Variants in MBD5 observed in about 807,000 individuals in gnomAD.
The protein encoded by MBD5 is methyl-CpG-binding domain protein 5.
In MBD5, 13 loss-of-function variants were observed where a neutral mutation model predicts 117.3. The ratio of observed to expected loss-of-function variants is 0.11; its 90% confidence interval spans 0.07 to 0.18. The LOEUF (loss-of-function observed/expected upper bound fraction) is 0.18, where lower values mean the gene tolerates loss of function less well. MBD5 is among the 10% of genes least tolerant of loss of function. The pLI is 1.00. For synonymous variants in MBD5, 727 were observed against 766.4 expected, an observed-to-expected ratio of 0.95 and a Z score of 0.85; for missense variants, 1,879 against 2,093.8, an observed-to-expected ratio of 0.90 and a Z score of 2.00.
intron 4 of MBD5, among the ~76,000 whole-genome samples, chr2:148,383,849 A>C (rs1704245075): frequency 6.6e-6 from 1 of 152,210 alleles, no homozygotes; most frequent in Non-Finnish European, 1.5e-5. Flanking sequence ...AACAGAACCA[A>C]AGACAAAAAC....
At chr2:148,324,950 A>C (rs191578347) in intron 3 of MBD5, among the ~76,000 whole-genome samples, 1 of 152,176 alleles carries the variant, frequency 6.6e-6, no homozygotes, top group South Asian at 2.1e-4. Context: ...TTGCCCATTC[A>C]GTATGATATT....
rs1574251070 is a variant in MBD5, at chr2:148,294,561, C to T, written c.-679-47653C>T. On this transcript the variant is annotated intron_variant, in intron 3 of 13. Coordinates refer to ENST00000642680, the MANE Select transcript of MBD5 (RefSeq NM_001378120.1). Reference sequence around the variant, plus strand: ...TCCATCGCCCAGGCTGGAGTGCAGCCGTGCGATCTCAGCTCACTGCAACCT... The same window carrying T: ...TCCATCGCCCAGGCTGGAGTGCAGCTGTGCGATCTCAGCTCACTGCAACCT... Among the ~76,000 whole-genome samples the T allele has an allele frequency of 2.2e-5, 3 of 133,618 alleles. No homozygotes were observed. In the East Asian group the frequency reaches 6.6e-4, roughly 29 times the overall value. The allele number at this position is 133,618 out of a possible 152,430, so 87.7% of individuals were successfully genotyped here.
intron 4 of MBD5, among the ~76,000 whole-genome samples, chr2:148,439,559 T>C (rs973731560): frequency 6.6e-6 from 1 of 152,160 alleles, no homozygotes; most frequent in African/African-American, 2.4e-5. Flanking sequence ...CTGGACCATT[T>C]TAATTGCAGA....
intron 4 of MBD5, among the ~76,000 whole-genome samples, chr2:148,443,374 C>G (rs966736371): frequency 1.3e-5 from 2 of 151,252 alleles, no homozygotes; most frequent in Non-Finnish European, 2.9e-5. Context: ...ACCATATGAT[C>G]CAGCAATCTC....
At chr2:148,408,094 A>T (rs1404760028) in intron 4 of MBD5, among the ~76,000 whole-genome samples, 1 of 152,224 alleles carries the variant, frequency 6.6e-6, no homozygotes, top group Non-Finnish European at 1.5e-5. Context: ...TAAAAATTTT[A>T]AAACATCCCA....
chr2:148,109,156 A>G (rs1696446709), intron 1 of MBD5, among the ~76,000 whole-genome samples: 1 of 152,110 alleles, frequency 6.6e-6, no homozygotes, highest in Admixed American at 6.5e-5. Context: ...GTGGTGACTC[A>G]TGCCTATAAT....
At chr2:148,074,511 T>G (rs1429767667) in intron 1 of MBD5, among the ~76,000 whole-genome samples, 1 of 147,490 alleles carries the variant, frequency 6.8e-6, no homozygotes, top group Admixed American at 6.7e-5. Flanking sequence ...TTTTTTGTTT[T>G]TTTTTTTGAG....
At chr2:148,185,982 T>G (rs1298599128) in intron 2 of MBD5, among the ~76,000 whole-genome samples, 2 of 152,262 alleles carry the variant, frequency 1.3e-5, no homozygotes, top group East Asian at 1.9e-4. Flanking sequence ...TGTTATAAAG[T>G]ACTTCTCAAA....
intron 1 of MBD5, among the ~76,000 whole-genome samples, chr2:148,129,569 T>C (rs1352978120): frequency 6.6e-6 from 1 of 152,092 alleles, no homozygotes; most frequent in Non-Finnish European, 1.5e-5. Context: ...TCTGTGAAAA[T>C]ACAGCTGATA....
At chr2:148,357,380 G>A (rs1703408777) in intron 4 of MBD5, among the ~76,000 whole-genome samples, 1 of 152,016 alleles carries the variant, frequency 6.6e-6, no homozygotes, top group African/African-American at 2.4e-5. Flanking sequence ...AATTTGGAAG[G>A]TGATGCTCCA....
At chr2:148,139,302 G>A (rs773160686) in intron 1 of MBD5, among the ~76,000 whole-genome samples, 18 of 152,084 alleles carry the variant, frequency 1.2e-4, no homozygotes, top group South Asian at 4.1e-4. Context: ...CACCTTCCGG[G>A]TTCAGGTGAT....
At chr2:148,180,970 T>C (rs1698519557) in intron 2 of MBD5, among the ~76,000 whole-genome samples, 2 of 152,124 alleles carry the variant, frequency 1.3e-5, no homozygotes, top group African/African-American at 4.8e-5. Flanking sequence ...ATATGAGAAA[T>C]TTCAAATAAA....
chr2:148,313,879 C>T (rs994952173), intron 3 of MBD5, among the ~76,000 whole-genome samples: 2 of 152,044 alleles, frequency 1.3e-5, no homozygotes, highest in South Asian at 4.2e-4. Context: ...CAATCCTTCC[C>T]GTGGCTAAGG....
At chr2:148,422,937 G>C (rs968705720) in intron 4 of MBD5, among the ~76,000 whole-genome samples, 1 of 152,170 alleles carries the variant, frequency 6.6e-6, no homozygotes, top group African/African-American at 2.4e-5. Context: ...TATGTGCAAA[G>C]ACCAAATCTC....
chr2:148,053,141 G>A (rs541299439), intron 1 of MBD5, among the ~76,000 whole-genome samples: 1 of 151,918 alleles, frequency 6.6e-6, no homozygotes, highest in Non-Finnish European at 1.5e-5. Context: ...TGTTATTGTT[G>A]AACTGTCTAT....
intron 3 of MBD5, among the ~76,000 whole-genome samples, chr2:148,325,386 A>T (rs1183584317): frequency 1.3e-5 from 2 of 152,066 alleles, no homozygotes; most frequent in Admixed American, 6.6e-5. Context: ...TTTTCTATTG[A>T]TTGGAATAGT....
chr2:148,064,121 C>CTTT (rs200434229), intron 1 of MBD5, among the ~76,000 whole-genome samples: 8,370 of 125,624 alleles, frequency 0.067, 647 homozygotes, highest in South Asian at 0.11. Context: ...CACCAGCTGT[C>CTTT]TTTTTTCTTT....
At chr2:148,457,051 G>A (rs77997464) in intron 4 of MBD5, among the ~76,000 whole-genome samples, 3,886 of 152,160 alleles carry the variant, frequency 0.026, 159 homozygotes, top group African/African-American at 0.088. Flanking sequence ...AGTTATGCAT[G>A]CATCTTTGAA....
intron 3 of MBD5, among the ~76,000 whole-genome samples, chr2:148,277,145 A>G (rs1701134858): frequency 6.6e-6 from 1 of 152,124 alleles, no homozygotes; most frequent in East Asian, 1.9e-4. Context: ...GGTTCAATGA[A>G]TAATAATTAT....
Sources: allele counts gnomAD v4.1 joint callset (sites outside exome capture counted in the v4.1 genomes callset), GRCh38; gene constraint gnomAD v4.1.1; transcripts MANE v1.5; gene names NCBI Gene and HGNC (gene_info 2026-07-23, HGNC 2026-07-21).